The following GRM7 variants were observed in gnomAD, a reference collection of about 807,000 sequenced individuals.
GRM7 encodes glutamate metabotropic receptor 7.
A neutral mutation model predicts 84.5 loss-of-function variants in GRM7; 35 were observed. The ratio of observed to expected loss-of-function variants is 0.41; its 90% CI spans 0.32 to 0.55. The LOEUF (loss-of-function observed/expected upper bound fraction) is 0.55. Ranked by LOEUF, GRM7 falls within the 20% of genes least tolerant of loss-of-function variation. The pLI is 0.19. For missense variants in GRM7, 1,003 were observed against 1,194.6 expected (o/e 0.84, Z 2.36); for synonymous variants, 487 against 455.1 (o/e 1.07, Z -0.89).
At chr3:6,948,690 A>T (rs1192283391) in intron 1 of GRM7, among the ~76,000 whole-genome samples, 1 of 152,144 alleles carries the variant, frequency 6.6e-6, no homozygotes, top group Non-Finnish European at 1.5e-5. Flanking sequence ...GTGGGTGTCT[A>T]AGTCTCTTTG....
intron 1 of GRM7, among the ~76,000 whole-genome samples, chr3:7,079,162 G>T (rs1559425141): frequency 6.6e-6 from 1 of 151,934 alleles, no homozygotes; most frequent in Non-Finnish European, 1.5e-5. Context: ...CCCAGATTTT[G>T]GTTGTTAACC....
At chr3:7,308,222 C>T (rs887679749) in intron 4 of GRM7, among the ~76,000 whole-genome samples, 1 of 150,670 alleles carries the variant, frequency 6.6e-6, no homozygotes, top group Non-Finnish European at 1.5e-5. Context: ...ATCATTGCTA[C>T]ACTGTTTGGT....
rs1694845308 is a variant in GRM7 at position 6,863,774 on chromosome 3, G to T, written c.519+1867G>T. ...CAGTGTTTTCCCTGTTAGCCTGTGG[G>T]GTTAAAGGCACAAAACGTTTTGTGT... On this transcript the variant is annotated intron_variant, in intron 1 of 9. Transcript: ENST00000357716. This position sits in a 1 kb window ranked among gnomAD's most constrained non-coding sequence, Gnocchi z 4.8. 6.6e-6 allele frequency among the ~76,000 whole-genome samples: 1 copy of T among 152,072 alleles called. No individual in the cohort carries two copies. Among genetic ancestry groups the T allele is most frequent in the South Asian group, 2.1e-4 (1 of 4,816 alleles).
intron 4 of GRM7, among the ~76,000 whole-genome samples, chr3:7,410,632 C>CAAAT (rs1695892402): frequency 6.9e-6 from 1 of 144,210 alleles, no homozygotes; most frequent in Non-Finnish European, 1.5e-5. Context: ...CACAAATACA[C>CAAAT]ACATACACAC....
At chr3:7,100,514 T>G (rs1241700570) in intron 1 of GRM7, among the ~76,000 whole-genome samples, 2 of 151,782 alleles carry the variant, frequency 1.3e-5, no homozygotes, top group East Asian at 3.9e-4. Flanking sequence ...TAGGCTAAAA[T>G]CCCTGCACAG....
At chr3:7,605,729 A>C (rs983337457) in intron 8 of GRM7, among the ~76,000 whole-genome samples, 6 of 152,208 alleles carry the variant, frequency 3.9e-5, no homozygotes, top group Non-Finnish European at 8.8e-5. Flanking sequence ...GGTTGTAGCC[A>C]AGTAAGCATT....
intron 7 of GRM7, among the ~76,000 whole-genome samples, chr3:7,509,143 G>C (rs1327684115): frequency 6.6e-6 from 1 of 152,062 alleles, no homozygotes; most frequent in African/African-American, 2.4e-5. Flanking sequence ...TCATCACTTA[G>C]TAACGATCTC....
chr3:7,650,147 A>G (rs181473832), intron 8 of GRM7, among the ~76,000 whole-genome samples: 1 of 152,204 alleles, frequency 6.6e-6, no homozygotes, highest in Non-Finnish European at 1.5e-5. Flanking sequence ...AAATGACTTA[A>G]TGATGTTTCG....
In GRM7 at chr3:7,379,213, T is replaced by C. The variant is rs545083209; in HGVS notation, c.1034-35810T>C. ...TTAGTCTCCCAAGTAGCTGTAACTA[T>C]AGGCACCTACGGCCATGCCAAGCTA... On this transcript the variant is annotated intron_variant, in intron 4 of 9. Coordinates refer to ENST00000357716, the MANE Select transcript of GRM7 (RefSeq NM_000844.4). 3.3e-4 allele frequency among the ~76,000 whole-genome samples: 50 copies of C among 152,242 alleles called. No homozygotes were observed. The East Asian group carries it at 8.5e-3, about 26-fold the overall frequency.
chr3:6,889,206 A>C (rs1358478217), intron 1 of GRM7, among the ~76,000 whole-genome samples: 2 of 152,012 alleles, frequency 1.3e-5, no homozygotes, highest in Non-Finnish European at 2.9e-5. Flanking sequence ...CTCTTTTCCT[A>C]ATTGAATGCC....
At position 6,861,769 on chromosome 3, in the gene GRM7, C is replaced by T; in HGVS notation, c.381C>T (p.Ile127=). The T allele has an allele frequency of 6.2e-7, 1 of 1,614,216 alleles. No individual in the cohort carries two copies. Among genetic ancestry groups the T allele is most frequent in the Non-Finnish European group, 8.5e-7 (1 of 1,180,054 alleles). The change falls in exon 1 of 10, where the codon ATC becomes ATT. Residue 127 remains isoleucine, a synonymous_variant. Transcript: ENST00000357716. The surrounding 1 kb of genome is among the most constrained non-coding windows in gnomAD (Gnocchi z 6.4). The part of the protein sequence containing the change: ...EQSLTFVQAL[I]QKDTSDVRCT... Reference sequence around the variant, plus strand: ...CGCTTACTTTCGTCCAGGCGCTCATCCAGAAGGACACCTCCGACGTGCGCT... The same window carrying T: ...CGCTTACTTTCGTCCAGGCGCTCATTCAGAAGGACACCTCCGACGTGCGCT...
At chr3:7,040,963 G>C (rs1696583904) in intron 1 of GRM7, among the ~76,000 whole-genome samples, 1 of 151,666 alleles carries the variant, frequency 6.6e-6, no homozygotes, top group Admixed American at 6.6e-5. Flanking sequence ...TGCACCTGTA[G>C]TCCCAGCTAC....
chr3:7,434,682 T>G (rs1696970137), intron 5 of GRM7, among the ~76,000 whole-genome samples: 1 of 152,172 alleles, frequency 6.6e-6, no homozygotes, highest in Non-Finnish European at 1.5e-5. Flanking sequence ...AATGCTACAT[T>G]TCATTGGATA....
chr3:7,364,577 T>G (rs1160736907), intron 4 of GRM7, among the ~76,000 whole-genome samples: 1 of 151,876 alleles, frequency 6.6e-6, no homozygotes, highest in Non-Finnish European at 1.5e-5. Context: ...CCTATCAGAC[T>G]GACTTTTTGT....
At chr3:7,408,797 C>T (rs1475095957) in intron 4 of GRM7, among the ~76,000 whole-genome samples, 1 of 152,150 alleles carries the variant, frequency 6.6e-6, no homozygotes, top group Admixed American at 6.5e-5. Flanking sequence ...GCAAAATTCC[C>T]CATTTTGCAG....
chr3:7,023,742 C>T (rs1301098443), intron 1 of GRM7, among the ~76,000 whole-genome samples: 1 of 152,160 alleles, frequency 6.6e-6, no homozygotes, highest in East Asian at 1.9e-4. Flanking sequence ...CCCTGTGTCT[C>T]TCTAAAGACC....
chr3:7,048,391 T>C (rs1337645868), intron 1 of GRM7, among the ~76,000 whole-genome samples: 1 of 151,990 alleles, frequency 6.6e-6, no homozygotes, highest in South Asian at 2.1e-4. Flanking sequence ...AATTAGTGTT[T>C]GTAGTGTTCA....
intron 2 of GRM7, among the ~76,000 whole-genome samples, chr3:7,267,628 C>T (rs1484262462): frequency 1.3e-5 from 2 of 152,194 alleles, no homozygotes; most frequent in Non-Finnish European, 1.5e-5. Context: ...AGGCTTTCAT[C>T]AGGTGCTGAT....
At chr3:7,178,480 G>C (rs1253570082) in intron 2 of GRM7, among the ~76,000 whole-genome samples, 1 of 152,026 alleles carries the variant, frequency 6.6e-6, no homozygotes, top group Non-Finnish European at 1.5e-5. Context: ...GATTAGCAGA[G>C]CTCACTGCTT....
Sources: allele counts gnomAD v4.1 joint callset (sites outside exome capture counted in the v4.1 genomes callset), GRCh38; gene constraint gnomAD v4.1.1; non-coding constraint Gnocchi (gnomAD v3.1); transcripts MANE v1.5; gene names NCBI Gene and HGNC (gene_info 2026-07-23, HGNC 2026-07-21).